The following GPC5 variants were observed in gnomAD, a reference collection of about 807,000 sequenced individuals.
GPC5 encodes glypican-5.
In GPC5, 47 loss-of-function variants were observed where a neutral mutation model predicts 53.9. That is an observed-to-expected ratio of 0.87 (90% CI 0.69 to 1.11). The LOEUF is 1.11. Among genes scored for constraint, GPC5 ranks in the 50% most tolerant of loss-of-function variants. GPC5 has a pLI of 0.00. For synonymous variants in GPC5, 286 were observed against 263.3 expected (o/e 1.09, Z -0.84); for missense variants, 748 against 713.1 (o/e 1.05, Z -0.56).
At chr13:92,430,835 G>T (rs1877052372) in intron 7 of GPC5, among the ~76,000 whole-genome samples, 1 of 152,012 alleles carries the variant, frequency 6.6e-6, no homozygotes, top group Non-Finnish European at 1.5e-5. Flanking sequence ...CATTAAGCTT[G>T]CAAAGAAAAA....
chr13:91,409,899 C>G (rs1877596032), intron 1 of GPC5, among the ~76,000 whole-genome samples: 1 of 152,150 alleles, frequency 6.6e-6, no homozygotes, highest in East Asian at 1.9e-4. Flanking sequence ...GTCTGTGTTT[C>G]CCATCTTTAT....
intron 2 of GPC5, among the ~76,000 whole-genome samples, chr13:91,509,863 G>A (rs1027999506): frequency 3.6e-4 from 55 of 152,056 alleles, no homozygotes; most frequent in Non-Finnish European, 5.4e-4. Context: ...TTACTCTTTA[G>A]ATATAAAATG....
chr13:91,506,152 G>A (rs193163636), intron 2 of GPC5, among the ~76,000 whole-genome samples: 1 of 152,036 alleles, frequency 6.6e-6, no homozygotes, highest in African/African-American at 2.4e-5. Flanking sequence ...TTAAGTCAAG[G>A]TTTTCTGATT....
At chr13:92,422,531 C>CACACAA (rs1876622707) in intron 7 of GPC5, among the ~76,000 whole-genome samples, 1 of 134,786 alleles carries the variant, frequency 7.4e-6, no homozygotes, top group Non-Finnish European at 1.6e-5. Context: ...CACACACACA[C>CACACAA]AACTTCTTGG....
intron 7 of GPC5, among the ~76,000 whole-genome samples, chr13:92,810,539 A>AAACC (rs1294625808): frequency 6.6e-6 from 1 of 151,866 alleles, no homozygotes; most frequent in East Asian, 1.9e-4. Flanking sequence ...CTCTAGTTCC[A>AAACC]AACCATTTTT....
chr13:92,551,627 G>A lies in GPC5; in HGVS notation c.1562-314655G>A, dbSNP rs1882320102. 2.6e-5 allele frequency among the ~76,000 whole-genome samples: 4 copies of A among 151,918 alleles called. No individual in the cohort carries two copies. The South Asian group carries it at 8.3e-4, about 31-fold the overall frequency. On this transcript the variant is annotated intron_variant, in intron 7 of 7. Coordinates refer to ENST00000377067, the MANE Select transcript of GPC5 (RefSeq NM_004466.6). ...TTTGATTTAGATTTGGTGTGGCAGA[G>A]CATGAAAATTGCTTCACTGGGGTGA...
chr13:92,176,282 C>T (rs2042108815), intron 7 of GPC5, among the ~76,000 whole-genome samples: 1 of 152,322 alleles, frequency 6.6e-6, no homozygotes, highest in East Asian at 1.9e-4. Flanking sequence ...TGCTAAGGCT[C>T]TCCCTGGATA....
At chr13:92,032,631 T>A (rs974630832) in intron 6 of GPC5, among the ~76,000 whole-genome samples, 6 of 152,114 alleles carry the variant, frequency 3.9e-5, no homozygotes, top group African/African-American at 1.4e-4. Context: ...TATCACCTAT[T>A]TTCTTACTAT....
chr13:92,495,258 T>C (rs528016629), intron 7 of GPC5, among the ~76,000 whole-genome samples: 1 of 152,336 alleles, frequency 6.6e-6, no homozygotes, highest in East Asian at 1.9e-4. Context: ...AATGTTCTCT[T>C]CATCTTTGAT....
chr13:91,529,606 GT>G (rs58946975), intron 2 of GPC5, among the ~76,000 whole-genome samples: 20,508 of 152,184 alleles, frequency 0.13, 1,783 homozygotes, highest in African/African-American at 0.24. Flanking sequence ...GTAAGTGCTA[GT>G]TTTTAATAAA....
intron 2 of GPC5, among the ~76,000 whole-genome samples, chr13:91,485,219 T>A (rs1203294185): frequency 6.6e-6 from 1 of 152,018 alleles, no homozygotes; most frequent in Admixed American, 6.6e-5. Context: ...GTCCCTTTTT[T>A]TTTTTTTTTT....
At chr13:92,061,336 G>A (rs1406440115) in intron 6 of GPC5, among the ~76,000 whole-genome samples, 2 of 151,946 alleles carry the variant, frequency 1.3e-5, no homozygotes, top group East Asian at 3.8e-4. Context: ...AGTCAAATCA[G>A]GTGTGCTATG....
chr13:92,162,378 G>A (rs1182037344), intron 7 of GPC5, among the ~76,000 whole-genome samples: 1 of 152,074 alleles, frequency 6.6e-6, no homozygotes, highest in African/African-American at 2.4e-5. Context: ...GGCCTCTGGG[G>A]GCTAAAGAAG....
chr13:92,392,684 A>G (rs1249783910), intron 7 of GPC5, among the ~76,000 whole-genome samples: 2 of 152,192 alleles, frequency 1.3e-5, no homozygotes, highest in African/African-American at 4.8e-5. Flanking sequence ...CAATATTTGT[A>G]AGGTACTTAA....
chr13:91,834,884 A>G (rs2038705417), intron 5 of GPC5, among the ~76,000 whole-genome samples: 1 of 152,214 alleles, frequency 6.6e-6, no homozygotes, highest in African/African-American at 2.4e-5. Context: ...ACAAAAGCCA[A>G]AATTGACAAA....
rs146120865 is a variant in GPC5, at chr13:91,568,001, A to G, written c.325+119079A>G. Among the ~76,000 whole-genome samples the G allele has an allele frequency of 1.4e-3, 218 of 152,200 alleles. 3 individuals are homozygous for G. The East Asian group carries it at 0.036, about 25-fold the overall frequency. ...AGTTCTCACGAGATCTGATGGTTTTATAAGTGTTTGACAGCTTTTCCTTCA... is the reference window on the plus strand; with the variant it reads ...AGTTCTCACGAGATCTGATGGTTTTGTAAGTGTTTGACAGCTTTTCCTTCA... On this transcript the variant is annotated intron_variant, in intron 2 of 7. Transcript: ENST00000377067.
intron 7 of GPC5, among the ~76,000 whole-genome samples, chr13:92,330,745 T>A (rs1323530251): frequency 6.6e-6 from 1 of 152,118 alleles, no homozygotes; most frequent in Non-Finnish European, 1.5e-5. Context: ...AGATAACATA[T>A]TTTTTAGGAA....
intron 2 of GPC5, among the ~76,000 whole-genome samples, chr13:91,463,926 C>A (rs1249201063): frequency 6.6e-6 from 1 of 152,022 alleles, no homozygotes; most frequent in Non-Finnish European, 1.5e-5. Flanking sequence ...GTGAAAATTA[C>A]AAACCATGTT....
chr13:91,997,316 C>T (rs2040512516), intron 6 of GPC5, among the ~76,000 whole-genome samples: 2 of 152,126 alleles, frequency 1.3e-5, no homozygotes, highest in Non-Finnish European at 2.9e-5. Flanking sequence ...GGAGCACTTC[C>T]TCACAAGTTT....
Sources: allele counts gnomAD v4.1 joint callset (sites outside exome capture counted in the v4.1 genomes callset), GRCh38; gene constraint gnomAD v4.1.1; transcripts MANE v1.5; gene names NCBI Gene and HGNC (gene_info 2026-07-23, HGNC 2026-07-21).